Variants in RBFOX1 observed in about 807,000 individuals in gnomAD.
The protein encoded by RBFOX1 is RNA binding fox-1 homolog 1.
A neutral mutation model predicts 57.7 loss-of-function variants in RBFOX1; 8 were observed. The observed-to-expected ratio is 0.14, with a 90% CI of 0.08 to 0.25. RBFOX1 has a LOEUF of 0.25. Ranked by LOEUF, RBFOX1 falls within the 10% of genes least tolerant of loss-of-function variation. The pLI is 1.00. For missense variants in RBFOX1, 611 were observed against 548.5 expected, an observed-to-expected ratio of 1.11 and a Z score of -1.14; for synonymous variants, 326 against 222.4, an observed-to-expected ratio of 1.47 and a Z score of -4.15.
chr16:7,668,692 A>AAAGAT (rs2070314643), intron 13 of RBFOX1, among the ~76,000 whole-genome samples: 1 of 152,184 alleles, frequency 6.6e-6, no homozygotes, highest in African/African-American at 2.4e-5. Flanking sequence ...TTTTGTATAA[A>AAAGAT]AAGATAGATA....
chr16:6,445,549 G>C lies in RBFOX1; in HGVS notation c.-64+128492G>C, dbSNP rs560145547. Among the ~76,000 whole-genome samples, 6 of 146,318 alleles carry C rather than the reference G, an allele frequency of 4.1e-5. No individual in the cohort carries two copies. The East Asian group carries it at 1.2e-3, about 30-fold the overall frequency. The stretch of plus-strand genomic sequence containing the variant: ...GGAACCAGGGAAGCTTATTAACCTT[G>C]CCTCTGAACTCCTTTTTTTTTTTTT... On this transcript the variant is annotated intron_variant, in intron 2 of 15. Coordinates refer to ENST00000550418, the MANE Select transcript of RBFOX1 (RefSeq NM_018723.4).
intron 2 of RBFOX1, among the ~76,000 whole-genome samples, chr16:5,501,815 G>C (rs2043207418): frequency 6.6e-6 from 1 of 152,134 alleles, no homozygotes; most frequent in Admixed American, 6.5e-5. Flanking sequence ...CTGGGCTCAA[G>C]TGATTCTCCT....
intron 1 of RBFOX1, among the ~76,000 whole-genome samples, chr16:6,069,938 G>T (rs1245767589): frequency 1.3e-5 from 2 of 152,130 alleles, no homozygotes; most frequent in African/African-American, 4.8e-5. Context: ...AGTGAGCCGA[G>T]ATCCAACCGC....
chr16:7,409,140 G>C (rs1028469826), intron 4 of RBFOX1, among the ~76,000 whole-genome samples: 7 of 152,168 alleles, frequency 4.6e-5, no homozygotes, highest in Admixed American at 4.6e-4. Flanking sequence ...AATCCGGCCT[G>C]TGATCAGGTT....
At chr16:6,171,307 C>T (rs76227951) in intron 1 of RBFOX1, among the ~76,000 whole-genome samples, 7,180 of 152,206 alleles carry the variant, frequency 0.047, 394 homozygotes, top group African/African-American at 0.13. Flanking sequence ...GTAGTCCAGC[C>T]GCACCACAAC....
In RBFOX1 at chr16:6,709,761, T is replaced by A. The variant is rs576995049; in HGVS notation, c.-16+55111T>A. On this transcript the variant is annotated intron_variant, in intron 3 of 15. Transcript: ENST00000550418. ...ACTTAAGTGTGGGTTTGATTCCCTC[T>A]AAACTCGCTCAGCCCAGGAGATACT... Among the ~76,000 whole-genome samples the A allele has an allele frequency of 2.0e-4, 30 of 152,272 alleles. 1 individual carries two copies. The highest frequency in any genetic ancestry group is 7.0e-4 in the African/African-American group (29 of 41,552).
intron 1 of RBFOX1, among the ~76,000 whole-genome samples, chr16:6,142,874 TC>T (rs2096729544): frequency 6.6e-6 from 1 of 152,212 alleles, no homozygotes; most frequent in Non-Finnish European, 1.5e-5. Flanking sequence ...CTTCGGGGCT[TC>T]CTCAAAATTC....
intron 4 of RBFOX1, among the ~76,000 whole-genome samples, chr16:7,177,471 C>CAATAAA (rs2081910880): frequency 6.8e-6 from 1 of 147,604 alleles, no homozygotes; most frequent in Admixed American, 6.7e-5. Context: ...TAAATGGGTA[C>CAATAAA]AGATAGTATG....
chr16:6,666,708 T>A (rs8054766), intron 3 of RBFOX1, among the ~76,000 whole-genome samples: 71,392 of 151,898 alleles, frequency 0.47, 17,057 homozygotes, highest in African/African-American at 0.54. Flanking sequence ...TCTGTGCTCC[T>A]CATGCTCAGG....
Position 6,395,326 on chromosome 16 carries a change from A to T in RBFOX1, c.-64+78269A>T, listed in dbSNP as rs1167757311. ...AAATTGGCTCAAAGTCTCCTGAGTC[A>T]AATGAAAACTCTGTCAAAGCCATGT... On this transcript the variant is annotated intron_variant, in intron 2 of 15. Transcript: ENST00000550418. Among the ~76,000 whole-genome samples the T allele has an allele frequency of 2.0e-5, 3 of 152,226 alleles. No individual in the cohort carries two copies. In the East Asian group the frequency reaches 5.8e-4, roughly 29 times the overall value.
intron 1 of RBFOX1, among the ~76,000 whole-genome samples, chr16:6,218,105 G>A (rs2097347932): frequency 6.6e-6 from 1 of 152,002 alleles, no homozygotes. Flanking sequence ...CTTCCCTTTG[G>A]TGCTGTTAGA....
intron 4 of RBFOX1, among the ~76,000 whole-genome samples, chr16:7,479,090 G>A (rs2063338885): frequency 6.6e-6 from 1 of 150,572 alleles, no homozygotes; most frequent in Non-Finnish European, 1.5e-5. Flanking sequence ...AGGTTGTGGT[G>A]GGAAGTGGAT....
chr16:6,854,782 G>A (rs1324486318), intron 3 of RBFOX1, among the ~76,000 whole-genome samples: 1 of 151,796 alleles, frequency 6.6e-6, no homozygotes, highest in Admixed American at 6.6e-5. Context: ...TTTTAGTAGA[G>A]ACGGGGTTTC....
chr16:7,562,294 G>A (rs1349097040), intron 5 of RBFOX1, among the ~76,000 whole-genome samples: 2 of 152,150 alleles, frequency 1.3e-5, no homozygotes, highest in East Asian at 3.9e-4. Flanking sequence ...GGAAAGAGCT[G>A]TTGGTGAGAA....
intron 5 of RBFOX1, among the ~76,000 whole-genome samples, chr16:7,555,721 A>C (rs1303735958): frequency 1.3e-5 from 2 of 152,060 alleles, no homozygotes; most frequent in African/African-American, 4.8e-5. Context: ...GGACTGGGCT[A>C]TTATTGCCTG....
intron 4 of RBFOX1, among the ~76,000 whole-genome samples, chr16:7,393,164 G>A (rs922708139): frequency 9.2e-5 from 14 of 152,144 alleles, no homozygotes; most frequent in African/African-American, 2.2e-4. Context: ...GTGAGCCACC[G>A]CACCCCACCT....
chr16:6,735,167 A>G (rs960112777), intron 3 of RBFOX1, among the ~76,000 whole-genome samples: 1 of 137,444 alleles, frequency 7.3e-6, no homozygotes, highest in African/African-American at 3.1e-5. Context: ...CAACAACAAC[A>G]TCAACAACAA....
At chr16:7,287,309 C>T (rs1017379954) in intron 4 of RBFOX1, among the ~76,000 whole-genome samples, 1 of 152,170 alleles carries the variant, frequency 6.6e-6, no homozygotes, top group Non-Finnish European at 1.5e-5. Context: ...TGAGCTGTCA[C>T]ACAGGACCTG....
At chr16:6,819,360 A>G (rs1271910390) in intron 3 of RBFOX1, among the ~76,000 whole-genome samples, 2 of 152,132 alleles carry the variant, frequency 1.3e-5, no homozygotes, top group African/African-American at 2.4e-5. Flanking sequence ...TACAGTGAAC[A>G]CACACACACA....
Sources: allele counts gnomAD v4.1 joint callset (sites outside exome capture counted in the v4.1 genomes callset), GRCh38; gene constraint gnomAD v4.1.1; transcripts MANE v1.5; gene names NCBI Gene and HGNC (gene_info 2026-07-23, HGNC 2026-07-21).